Variants in KLF8 observed in about 807,000 individuals in gnomAD.
The protein encoded by KLF8 is KLF transcription factor 8, also known as Krueppel-like factor 8.
KLF8 carries 10 observed loss-of-function variants against 18.2 expected under a neutral mutation model. The observed-to-expected ratio is 0.55, with a 90% confidence interval of 0.34 to 0.93. The LOEUF is 0.93. KLF8 is among the 40% of genes least tolerant of loss of function. The pLI is 0.02. For missense variants in KLF8, 264 were observed against 277.9 expected (o/e 0.95, Z 0.36); for synonymous variants, 109 against 97.3 (o/e 1.12, Z -0.71).
chrX:56,072,496 T>G, the KLF8 span, among the ~76,000 whole-genome samples: 1,838 of 111,378 alleles, frequency 0.017, 32 homozygotes, highest in African/African-American at 0.058. Flanking sequence ...CTTGGCAGTA[T>G]CTCTTAAAAT....
At chrX:56,159,294 T>C in the KLF8 span, among the ~76,000 whole-genome samples, 7 of 112,101 alleles carry the variant, frequency 6.2e-5, no homozygotes, top group Non-Finnish European at 1.3e-4. Context: ...TTTGCCATTG[T>C]TTTATTGAGG....
At chrX:55,910,269 C>T in the KLF8 span, among the ~76,000 whole-genome samples, 2 of 111,891 alleles carry the variant, frequency 1.8e-5, no homozygotes, top group African/African-American at 3.2e-5. Flanking sequence ...TACTCTGTAT[C>T]ATCACCACAC....
In KLF8 at chrX:56,286,014, A is replaced by T. The variant is rs2067264318; in HGVS notation, c.*1520A>T. The T allele has an allele frequency of 9.0e-6, 1 of 111,274 alleles. No homozygotes were observed. The highest frequency in any genetic ancestry group is 3.3e-5 in the African/African-American group (1 of 30,565). 9.2% of individuals were successfully genotyped at this position (111,274 alleles called of 1,213,427 possible). A position where few individuals can be genotyped will look rare whatever the true frequency, so the allele number is the denominator to read the frequency against. On this transcript the variant is annotated 3_prime_UTR_variant, in exon 6 of 6. Coordinates refer to ENST00000468660, the MANE Select transcript of KLF8 (RefSeq NM_007250.5). ...TATATTGTAGAATTCTAGCACCAAG[A>T]AGGGATCCCGTTAACCATCTAGTCC... is the stretch of plus-strand genomic sequence containing the variant.
chrX:56,014,529 G>A, the KLF8 span, among the ~76,000 whole-genome samples: 1 of 112,304 alleles, frequency 8.9e-6, no homozygotes, highest in Non-Finnish European at 1.9e-5. Context: ...ACTGTTGGTG[G>A]GAATGTAAAT....
chrX:55,930,449 C>G, the KLF8 span, among the ~76,000 whole-genome samples: 7 of 112,058 alleles, frequency 6.2e-5, no homozygotes, highest in Admixed American at 9.5e-5. Context: ...AGAGCACATC[C>G]TTGTCTTGTG....
At chrX:56,185,403 G>A in the KLF8 span, among the ~76,000 whole-genome samples, 2 of 112,343 alleles carry the variant, frequency 1.8e-5, no homozygotes, top group African/African-American at 6.5e-5. Flanking sequence ...TCTGATTGGT[G>A]TACCTGAAAG....
At chrX:56,009,808 A>G in the KLF8 span, among the ~76,000 whole-genome samples, 1 of 112,553 alleles carries the variant, frequency 8.9e-6, no homozygotes, top group Admixed American at 9.4e-5. Context: ...AAACTTCACA[A>G]TGCAACCACA....
At chrX:56,233,618 C>G (rs1027763151) in intron 1 of KLF8, among the ~76,000 whole-genome samples, 17 of 111,728 alleles carry the variant, frequency 1.5e-4, no homozygotes, top group African/African-American at 5.5e-4. Flanking sequence ...AGTCTAGTCT[C>G]CCCTGGCTCG....
the KLF8 span, among the ~76,000 whole-genome samples, chrX:56,160,398 A>C: frequency 9.0e-6 from 1 of 111,640 alleles, no homozygotes; most frequent in Admixed American, 9.6e-5. Context: ...GTAGATATCT[A>C]TTAGGTCCGC....
the KLF8 span, among the ~76,000 whole-genome samples, chrX:56,116,159 C>CT: frequency 1.2e-4 from 13 of 112,972 alleles, no homozygotes; most frequent in African/African-American, 4.2e-4. Flanking sequence ...CGTGAAACTG[C>CT]TTTGGCAGTC....
At chrX:55,957,179 C>T in the KLF8 span, among the ~76,000 whole-genome samples, 1 of 111,343 alleles carries the variant, frequency 9.0e-6, no homozygotes, top group Non-Finnish European at 1.9e-5. Flanking sequence ...CTTGGCACCC[C>T]TGGCAAATAT....
chrX:56,239,797 G>C (rs2066520751), intron 1 of KLF8, among the ~76,000 whole-genome samples: 1 of 111,522 alleles, frequency 9.0e-6, no homozygotes, highest in Non-Finnish European at 1.9e-5. Context: ...TACATTTCTT[G>C]ATCTAGCTCC....
chrX:56,232,102 C>A (rs1423264124), upstream of KLF8, among the ~76,000 whole-genome samples: 1 of 111,705 alleles, frequency 9.0e-6, no homozygotes, highest in Non-Finnish European at 1.9e-5. Context: ...CAGCCCCAAT[C>A]CCAGTACCCG....
chrX:56,118,277 C>T, the KLF8 span, among the ~76,000 whole-genome samples: 3 of 111,435 alleles, frequency 2.7e-5, no homozygotes, highest in Non-Finnish European at 5.6e-5. Context: ...ATATAAAGCA[C>T]TTAATACAAT....
the KLF8 span, among the ~76,000 whole-genome samples, chrX:56,163,870 G>T: frequency 8.9e-6 from 1 of 111,828 alleles, no homozygotes; most frequent in African/African-American, 3.2e-5. Context: ...TTTACCCATT[G>T]CCTGTTTTGT....
At chrX:56,036,596 T>C in the KLF8 span, among the ~76,000 whole-genome samples, 1 of 112,355 alleles carries the variant, frequency 8.9e-6, no homozygotes, top group Non-Finnish European at 1.9e-5. Context: ...GTAGTATATT[T>C]TGAAGTTCAG....
At chrX:56,048,921 G>C in the KLF8 span, among the ~76,000 whole-genome samples, 4 of 111,602 alleles carry the variant, frequency 3.6e-5, no homozygotes, top group East Asian at 5.7e-4. Context: ...TCTTCCATTT[G>C]TTTGTATCCT....
chrX:56,194,519 C>A, the KLF8 span, among the ~76,000 whole-genome samples: 11 of 112,161 alleles, frequency 9.8e-5, no homozygotes, highest in Non-Finnish European at 1.5e-4. Flanking sequence ...GGGTGTCCAC[C>A]ATTGCTGATG....
the KLF8 span, among the ~76,000 whole-genome samples, chrX:56,009,261 T>A: frequency 1.8e-5 from 2 of 110,999 alleles, no homozygotes; most frequent in Non-Finnish European, 3.8e-5. Context: ...TCTTTTCTGT[T>A]CCTCAGCCTC....
Sources: gnomAD v4.1 joint callset for allele counts (sites outside exome capture counted in the v4.1 genomes callset) on GRCh38, gnomAD v4.1.1 for gene constraint, MANE v1.5 for transcripts, NCBI Gene and HGNC (gene_info 2026-07-23, HGNC 2026-07-21) for gene names.